SERGEF: variants seen among roughly 807,000 people sequenced by gnomAD.
The protein encoded by SERGEF is secretion-regulating guanine nucleotide exchange factor.
A neutral mutation model predicts 50.0 loss-of-function variants in SERGEF; 51 were observed. The observed-to-expected ratio is 1.02, with a 90% CI of 0.81 to 1.29. The LOEUF is 1.29. SERGEF is among the 50% of genes most tolerant of loss of function. SERGEF has a pLI of 0.00. For missense variants in SERGEF, 521 were observed against 557.0 expected (o/e 0.94, Z 0.65); for synonymous variants, 205 against 212.4 (o/e 0.97, Z 0.30).
chr11:17,904,850 A>T (rs969995627), intron 9 of SERGEF, among the ~76,000 whole-genome samples: 7 of 152,188 alleles, frequency 4.6e-5, no homozygotes, highest in Non-Finnish European at 1.0e-4. Flanking sequence ...TGAGAACTGG[A>T]TCAGTCCTGG....
chr11:17,838,787 A>G lies in SERGEF; in HGVS notation c.1048+39421T>C, dbSNP rs370869978. On this transcript the variant is annotated intron_variant, in intron 10 of 10. Coordinates refer to ENST00000265965, the MANE Select transcript of SERGEF (RefSeq NM_012139.4). ...TTTGTAAATTCTACTCTAATTATTA[A>G]TATCAATAACTACTTATAATAACTA... 2.6e-5 allele frequency among the ~76,000 whole-genome samples: 4 copies of G among 152,206 alleles called. No individual in the cohort carries two copies. The East Asian group carries it at 5.8e-4, about 22-fold the overall frequency.
In SERGEF at chr11:17,797,111, C is replaced by G. The variant is rs567129042; in HGVS notation, c.1049-8698G>C. On this transcript the variant is annotated intron_variant, in intron 10 of 10. Transcript: ENST00000265965. Reference sequence around the variant, plus strand: ...CCACTTCTCACCAGTGCCATCACCCCTCAAGGGCTGCCCAACTGGTCTCTC... The same window carrying G: ...CCACTTCTCACCAGTGCCATCACCCGTCAAGGGCTGCCCAACTGGTCTCTC... 2.6e-5 allele frequency among the ~76,000 whole-genome samples: 4 copies of G among 152,338 alleles called. No individual in the cohort carries two copies. In the East Asian group the frequency reaches 7.7e-4, roughly 29 times the overall value.
intron 8 of SERGEF, among the ~76,000 whole-genome samples, chr11:17,961,086 G>T (rs972850357): frequency 6.6e-6 from 1 of 152,188 alleles, no homozygotes; most frequent in Admixed American, 6.5e-5. Context: ...CCTCCTGTGA[G>T]CCACCTTTAT....
chr11:18,006,849 C>T, intron 2 of SERGEF, 103 bp from the exon 3 acceptor site: 1 of 1,344,088 alleles, frequency 7.4e-7, no homozygotes, highest in South Asian at 1.2e-5. Context: ...AGACCAATAA[C>T]TTTTTTTGCC....
At chr11:17,853,457 G>T (rs1850751202) in intron 10 of SERGEF, 1 of 152,162 alleles carries the variant, frequency 6.6e-6, no homozygotes, top group Admixed American at 6.6e-5. Context: ...TTCTTCCCAG[G>T]CAATGTGACT....
chr11:17,843,066 C>T (rs1422194487), intron 10 of SERGEF, among the ~76,000 whole-genome samples: 4 of 152,194 alleles, frequency 2.6e-5, no homozygotes, highest in African/African-American at 7.2e-5. Context: ...ACTTGTCTAT[C>T]TCCTGTAGCT....
chr11:18,003,227 A>G (rs1854001119), intron 4 of SERGEF, among the ~76,000 whole-genome samples: 1 of 152,214 alleles, frequency 6.6e-6, no homozygotes, highest in South Asian at 2.1e-4. Flanking sequence ...GGAGTGGGAC[A>G]GCTTAGGTGG....
intron 8 of SERGEF, among the ~76,000 whole-genome samples, chr11:17,984,135 A>G (rs1008369024): frequency 2.6e-5 from 4 of 152,340 alleles, no homozygotes; most frequent in Admixed American, 2.6e-4. Flanking sequence ...AGATCTTTCA[A>G]CTGAGGTATG....
At chr11:17,924,472 T>G (rs1021846228) in intron 9 of SERGEF, among the ~76,000 whole-genome samples, 2 of 152,064 alleles carry the variant, frequency 1.3e-5, no homozygotes, top group Non-Finnish European at 2.9e-5. Flanking sequence ...GGTGAAGAGA[T>G]GACTTAGAGC....
At chr11:17,869,743 C>G (rs1851103196) in intron 10 of SERGEF, among the ~76,000 whole-genome samples, 1 of 152,156 alleles carries the variant, frequency 6.6e-6, no homozygotes, top group Admixed American at 6.5e-5. Flanking sequence ...CACAAACATT[C>G]AGACTCTATA....
rs529677986 is a variant in SERGEF, at chr11:17,946,687, C to T, written c.1011+12783G>A. Among the ~76,000 whole-genome samples the T allele has an allele frequency of 1.2e-4, 18 of 152,314 alleles. No individual in the cohort carries two copies. In the South Asian group the frequency reaches 3.7e-3, roughly 32 times the overall value. On this transcript the variant is annotated intron_variant, in intron 9 of 10. Coordinates refer to ENST00000265965, the MANE Select transcript of SERGEF (RefSeq NM_012139.4). ...ACCTTGAGGGGTGCAAAGGGAAATG[C>T]ACCATTTGCACGCCTCTGTGTTCTC...
intron 8 of SERGEF, among the ~76,000 whole-genome samples, chr11:17,980,555 A>T (rs1445039235): frequency 6.6e-6 from 1 of 152,198 alleles, no homozygotes; most frequent in Non-Finnish European, 1.5e-5. Flanking sequence ...CACCTGGCCC[A>T]TTTCCTTCTA....
At chr11:18,008,826 T>C (rs1449750769) in intron 1 of SERGEF, among the ~76,000 whole-genome samples, 1 of 151,852 alleles carries the variant, frequency 6.6e-6, no homozygotes, top group Non-Finnish European at 1.5e-5. Context: ...ATGAGAACAC[T>C]ATCCAGCGTG....
At chr11:17,929,142 G>A (rs1464022044) in intron 9 of SERGEF, among the ~76,000 whole-genome samples, 1 of 152,146 alleles carries the variant, frequency 6.6e-6, no homozygotes, top group Non-Finnish European at 1.5e-5. Context: ...GACTTTGGTG[G>A]AATAGCCTTT....
At chr11:17,817,280 T>A (rs1190060244) in intron 10 of SERGEF, among the ~76,000 whole-genome samples, 3 of 151,460 alleles carry the variant, frequency 2.0e-5, no homozygotes, top group Non-Finnish European at 2.9e-5. Context: ...AGTGGCGCGA[T>A]CTTGGCTCAC....
At chr11:17,927,273 T>C (rs1304047982) in intron 9 of SERGEF, among the ~76,000 whole-genome samples, 2 of 152,176 alleles carry the variant, frequency 1.3e-5, no homozygotes, top group Non-Finnish European at 2.9e-5. Flanking sequence ...ACTCAAGTCC[T>C]GTTCAACAAG....
Position 17,888,628 on chromosome 11 carries a change from T to TAC in SERGEF, c.1012-10386_1012-10385dup, listed in dbSNP as rs58279017. Among the ~76,000 whole-genome samples the TAC allele has an allele frequency of 0.019, 2,723 of 143,782 alleles. 27 individuals carry two copies. The highest frequency in any genetic ancestry group is 0.033 in the Admixed American group (480 of 14,338). 94.3% of individuals were successfully genotyped at this position (143,782 alleles called of 152,430 possible). ...AGTTATCAGTATGAACTCACAGTTT[T>TAC]ACACACACACACACACACACACACA... On this transcript the variant is annotated intron_variant, in intron 9 of 10. Transcript: ENST00000265965. This position sits in a 1 kb window ranked among gnomAD's most constrained non-coding sequence, Gnocchi z 4.1.
chr11:17,906,963 C>A (rs1219318766), intron 9 of SERGEF, among the ~76,000 whole-genome samples: 1 of 151,928 alleles, frequency 6.6e-6, no homozygotes, highest in East Asian at 1.9e-4. Context: ...AAGTCTTGGG[C>A]CCTAGATGAG....
chr11:17,836,929 C>T (rs565958896), intron 10 of SERGEF, among the ~76,000 whole-genome samples: 1 of 152,154 alleles, frequency 6.6e-6, no homozygotes, highest in Non-Finnish European at 1.5e-5. Flanking sequence ...TCTTATTCAC[C>T]ACCAGCAGAA....
Sources: allele counts gnomAD v4.1 joint callset (sites outside exome capture counted in the v4.1 genomes callset), GRCh38; gene constraint gnomAD v4.1.1; non-coding constraint Gnocchi (gnomAD v3.1); transcripts MANE v1.5; gene names NCBI Gene and HGNC (gene_info 2026-07-23, HGNC 2026-07-21).